The following DOCK4 variants were observed in gnomAD, a reference collection of about 807,000 sequenced individuals.
DOCK4 encodes dedicator of cytokinesis protein 4.
DOCK4 carries 97 observed loss-of-function variants against 268.1 expected under a neutral mutation model. The ratio of observed to expected loss-of-function variants is 0.36; its 90% CI spans 0.31 to 0.43. DOCK4 has a LOEUF of 0.43. Among genes scored for constraint, DOCK4 ranks in the 20% least tolerant of loss-of-function variants. The probability of loss-of-function intolerance (pLI) is 1.00; values close to 1 mark genes in which losing one functional copy is unlikely to be tolerated. For synonymous variants in DOCK4, 954 were observed against 887.2 expected, an observed-to-expected ratio of 1.08 and a Z score of -1.34; for missense variants, 2,145 against 2,455.7, an observed-to-expected ratio of 0.87 and a Z score of 2.67.
chr7:112,049,177 G>C (rs912516365), intron 1 of DOCK4, among the ~76,000 whole-genome samples: 2 of 152,106 alleles, frequency 1.3e-5, no homozygotes, highest in African/African-American at 4.8e-5. Flanking sequence ...TCAATTGACT[G>C]TTCTAACAAA....
At chr7:112,151,631 A>T (rs1816085346) in intron 1 of DOCK4, among the ~76,000 whole-genome samples, 1 of 152,108 alleles carries the variant, frequency 6.6e-6, no homozygotes, top group South Asian at 2.1e-4. Context: ...ACTGAGGTTA[A>T]ATCTGGCAAA....
At chr7:111,878,035 A>G (rs979423028) in intron 16 of DOCK4, among the ~76,000 whole-genome samples, 1 of 152,224 alleles carries the variant, frequency 6.6e-6, no homozygotes, top group African/African-American at 2.4e-5. Context: ...AGTCCATCAC[A>G]TCTAGATTCA....
chr7:112,199,164 C>A (rs1186430994), intron 1 of DOCK4, among the ~76,000 whole-genome samples: 1 of 152,074 alleles, frequency 6.6e-6, no homozygotes, highest in Non-Finnish European at 1.5e-5. Flanking sequence ...ACAGTATGAC[C>A]TTAAATAAGT....
chr7:111,759,236 A>G (rs1234685527), intron 40 of DOCK4, among the ~76,000 whole-genome samples: 1 of 152,232 alleles, frequency 6.6e-6, no homozygotes, highest in East Asian at 1.9e-4. Flanking sequence ...TGCAACCATG[A>G]CCAAAGACAG....
intron 1 of DOCK4, among the ~76,000 whole-genome samples, chr7:112,145,227 G>C (rs1815353669): frequency 6.6e-6 from 1 of 152,122 alleles, no homozygotes; most frequent in African/African-American, 2.4e-5. Flanking sequence ...TCAAGAACTG[G>C]AATGAGGATA....
At chr7:111,956,652 A>C (rs1333452947) in intron 8 of DOCK4, among the ~76,000 whole-genome samples, 1 of 152,198 alleles carries the variant, frequency 6.6e-6, no homozygotes, top group South Asian at 2.1e-4. Flanking sequence ...TGAGATGAAT[A>C]CATAATTGAC....
chr7:111,830,449 A>AC (rs1802736852), intron 26 of DOCK4, among the ~76,000 whole-genome samples: 1 of 151,392 alleles, frequency 6.6e-6, no homozygotes, highest in Non-Finnish European at 1.5e-5. Flanking sequence ...ACAAAACAAA[A>AC]AAAACAAGAT....
Position 111,782,752 on chromosome 7 carries a change from A to G in DOCK4, c.3585+112T>C, listed in dbSNP as rs187955683. The G allele has an allele frequency of 3.2e-3, 3,520 of 1,116,204 alleles. 9 individuals are homozygous for G. The highest frequency in any genetic ancestry group is 3.9e-3 in the South Asian group (289 of 73,634). 69.1% of individuals were successfully genotyped at this position (1,116,204 alleles called of 1,614,324 possible). On this transcript the variant is annotated intron_variant, in intron 35 of 52. Transcript: ENST00000428084. ...AAAAACACTTGTAAATTTAAAAATA[A>G]CTCTTCTAAGAAACATCACATTGCA... is the stretch of plus-strand genomic sequence containing the variant.
intron 1 of DOCK4, among the ~76,000 whole-genome samples, chr7:112,088,578 T>C (rs1165101357): frequency 1.3e-5 from 2 of 152,116 alleles, no homozygotes; most frequent in Non-Finnish European, 2.9e-5. Flanking sequence ...TTGTTTTTTT[T>C]CTATTAGTAC....
chr7:111,959,660 G>C (rs1004002292), intron 8 of DOCK4, among the ~76,000 whole-genome samples: 1 of 152,128 alleles, frequency 6.6e-6, no homozygotes, highest in Non-Finnish European at 1.5e-5. Flanking sequence ...GTAAGCTCTT[G>C]AAAAATTTTC....
intron 12 of DOCK4, among the ~76,000 whole-genome samples, chr7:111,927,896 T>C (rs1793862473): frequency 6.6e-6 from 1 of 152,138 alleles, no homozygotes; most frequent in Admixed American, 6.5e-5. Context: ...CTCCGTATAT[T>C]GGATGAAAAG....
chr7:112,089,600 T>C (rs2135752707), intron 1 of DOCK4, among the ~76,000 whole-genome samples: 1 of 152,302 alleles, frequency 6.6e-6, no homozygotes, highest in Middle Eastern at 3.4e-3. Context: ...TCCCTGCCCA[T>C]ATCTCATGTT....
At position 111,728,014 on chromosome 7, in the gene DOCK4, C is replaced by G; in HGVS notation, c.*260G>C. 1 of 376,826 alleles carries G rather than the reference C, an allele frequency of 2.7e-6. No individual in the cohort carries two copies. Among genetic ancestry groups the G allele is most frequent in the Non-Finnish European group, 4.7e-6 (1 of 213,454 alleles). The allele number at this position is 376,826 out of a possible 1,614,324, so 23.3% of individuals were successfully genotyped here. ...AAAAAAAAGTGAACATAAAAAGGTA[C>G]AAAAGGAGTCTTTATCACTATTTAC... On this transcript the variant is annotated 3_prime_UTR_variant, in exon 53 of 53. Transcript: ENST00000428084.
At chr7:112,117,578 C>T (rs551789915) in intron 1 of DOCK4, among the ~76,000 whole-genome samples, 1 of 152,264 alleles carries the variant, frequency 6.6e-6, no homozygotes, top group African/African-American at 2.4e-5. Context: ...ACCATGTTGG[C>T]CAGGCTGGTC....
chr7:111,893,119 A>C (rs1307395819), intron 16 of DOCK4, among the ~76,000 whole-genome samples: 1 of 152,204 alleles, frequency 6.6e-6, no homozygotes, highest in Admixed American at 6.5e-5. Context: ...GAAGAGCTAC[A>C]ACTGAGTCAA....
chr7:111,946,251 T>C (rs74790583), intron 8 of DOCK4, among the ~76,000 whole-genome samples: 2,576 of 152,342 alleles, frequency 0.017, 79 homozygotes, highest in African/African-American at 0.059. Context: ...TATGGTCTTA[T>C]AAGTCTCCAA....
rs1795491266 is a variant in DOCK4, at chr7:111,944,844, C to G, written c.811G>C (p.Asp271His). The G allele has an allele frequency of 3.1e-6, 5 of 1,613,838 alleles. No homozygotes were observed. Among genetic ancestry groups the G allele is most frequent in the Non-Finnish European group, 4.2e-6 (5 of 1,179,874 alleles). ...VDLGSSELRK[D>H]IYITVHIIRI... ...ATAATGTGCACGGTGATATAAATGT[C>G]CTTTCTTAGCTCACTGCTGCCCAAA... Residue 271 changes from aspartate (D) to histidine (H), a missense_variant, in exon 10 of 53, where the codon GAC (aspartate) becomes CAC (histidine). By Grantham distance (81) the Asp-to-His change is moderately conservative. Around this residue, in one of 2 missense-constraint regions of DOCK4, gnomAD observed 1,598 missense variants for 1,986.7 expected, o/e 0.80. Coordinates refer to ENST00000428084, the MANE Select transcript of DOCK4 (RefSeq NM_001363540.2).
At chr7:112,125,240 C>T (rs1458407360) in intron 1 of DOCK4, among the ~76,000 whole-genome samples, 1 of 152,184 alleles carries the variant, frequency 6.6e-6, no homozygotes, top group Non-Finnish European at 1.5e-5. Flanking sequence ...CAATGCTCCC[C>T]CCCTGCCCCA....
In DOCK4 at chr7:111,989,170, A is replaced by G. The variant is rs757493049; in HGVS notation, c.316-7T>C. On this transcript the variant is annotated splice_polypyrimidine_tract_variant and splice_region_variant and intron_variant, in intron 5 of 52. Transcript: ENST00000428084. Reference sequence around the variant, plus strand: ...AGAGATCGCCTTCATTACGCTAAGAAATATACAAATGTGGAGATTTGGCAG... The same window carrying G: ...AGAGATCGCCTTCATTACGCTAAGAGATATACAAATGTGGAGATTTGGCAG... The G allele has an allele frequency of 2.5e-6, 4 of 1,613,794 alleles. No homozygotes were observed. Among genetic ancestry groups the G allele is most frequent in the Non-Finnish European group, 1.7e-6 (2 of 1,179,852 alleles).
Sources: gnomAD v4.1 joint callset for allele counts (sites outside exome capture counted in the v4.1 genomes callset) on GRCh38, gnomAD v4.1.1 for gene constraint, gnomAD v4.1.1 regional missense constraint, MANE v1.5 for transcripts, NCBI Gene and HGNC (gene_info 2026-07-23, HGNC 2026-07-21) for gene names.